TIAM1: variants seen among roughly 807,000 people sequenced by gnomAD.
TIAM1 encodes TIAM Rac1 associated GEF 1, also known as rho guanine nucleotide exchange factor TIAM1.
In TIAM1, 65 loss-of-function variants were observed where a neutral mutation model predicts 163.5. That is an observed-to-expected ratio of 0.40 (90% CI 0.33 to 0.49). The LOEUF is 0.49. Ranked by LOEUF, TIAM1 falls within the 20% of genes least tolerant of loss-of-function variation. TIAM1 has a pLI of 0.77. For missense variants in TIAM1, 1,789 were observed against 2,044.7 expected, an observed-to-expected ratio of 0.87 and a Z score of 2.41; for synonymous variants, 833 against 810.1, an observed-to-expected ratio of 1.03 and a Z score of -0.48.
At chr21:31,131,407 C>T (rs1401563595) in intron 23 of TIAM1, among the ~76,000 whole-genome samples, 1 of 152,168 alleles carries the variant, frequency 6.6e-6, no homozygotes, top group Admixed American at 6.5e-5. Flanking sequence ...TATAACTCAT[C>T]TTTTGACCTA....
In TIAM1 at chr21:31,231,790, C is replaced by T. The variant is rs1024891555; in HGVS notation, c.1585-5840G>A. On this transcript the variant is annotated intron_variant, in intron 6 of 27. Transcript: ENST00000541036. The stretch of plus-strand genomic sequence containing the variant: ...CAGCACTTTGGGAGGCCAAGGTGGG[C>T]GAATCACTTCAGGCCAGGAGTTCGA... Among the ~76,000 whole-genome samples, 5 of 151,928 alleles carry T rather than the reference C, an allele frequency of 3.3e-5. No homozygotes were observed. The East Asian group carries it at 7.7e-4, about 23-fold the overall frequency.
intron 6 of TIAM1, among the ~76,000 whole-genome samples, chr21:31,233,043 T>C (rs114793747): frequency 0.021 from 3,218 of 152,334 alleles, 122 homozygotes; most frequent in African/African-American, 0.072. Flanking sequence ...TCATTATGTA[T>C]TTAAATAGAT....
chr21:31,541,044 A>T (rs146370422), intron 1 of TIAM1, among the ~76,000 whole-genome samples: 1 of 152,338 alleles, frequency 6.6e-6, no homozygotes, highest in Non-Finnish European at 1.5e-5. Context: ...TGGCAATTCA[A>T]ATCAAGAGCT....
intron 1 of TIAM1, among the ~76,000 whole-genome samples, chr21:31,547,996 CTTAAT>C (rs986623547): frequency 2.6e-5 from 4 of 152,106 alleles, no homozygotes; most frequent in Non-Finnish European, 4.4e-5. Context: ...GATACACTTT[CTTAAT>C]TTAATTCCAG....
At chr21:31,501,390 G>T (rs1197008120) in intron 1 of TIAM1, among the ~76,000 whole-genome samples, 1 of 152,052 alleles carries the variant, frequency 6.6e-6, no homozygotes, top group African/African-American at 2.4e-5. Flanking sequence ...AAGAGAAGGG[G>T]GAGAGAGTCA....
At chr21:31,392,570 C>CAAAAAAAA (rs61454127) in intron 2 of TIAM1, among the ~76,000 whole-genome samples, 1 of 84,886 alleles carries the variant, frequency 1.2e-5, no homozygotes, top group Non-Finnish European at 2.3e-5. Flanking sequence ...AACTCTGTCT[C>CAAAAAAAA]AAAAAAAAAA....
At chr21:31,134,508 T>C (rs976667888) in intron 23 of TIAM1, among the ~76,000 whole-genome samples, 3 of 151,940 alleles carry the variant, frequency 2.0e-5, no homozygotes, top group African/African-American at 7.2e-5. Flanking sequence ...TGCACTTACA[T>C]TTGTTTTGTT....
At chr21:31,210,315 G>T in intron 10 of TIAM1, 100 bp from the exon 11 acceptor site, 1 of 1,309,716 alleles carries the variant, frequency 7.6e-7, no homozygotes, top group African/African-American at 1.5e-5. Context: ...CATGAAAACA[G>T]CCCAGGGCAG....
intron 1 of TIAM1, among the ~76,000 whole-genome samples, chr21:31,474,781 G>A (rs2045877083): frequency 6.6e-6 from 1 of 151,790 alleles, no homozygotes; most frequent in African/African-American, 2.4e-5. Flanking sequence ...CCCGACCTCA[G>A]TTGATCCGCC....
At chr21:31,390,435 T>C (rs1019295575) in intron 2 of TIAM1, among the ~76,000 whole-genome samples, 2 of 152,358 alleles carry the variant, frequency 1.3e-5, no homozygotes, top group East Asian at 3.9e-4. Flanking sequence ...AAACTTGATC[T>C]TGGCTTTGCC....
chr21:31,481,945 G>A (rs961258113), intron 1 of TIAM1, among the ~76,000 whole-genome samples: 3 of 151,862 alleles, frequency 2.0e-5, no homozygotes, highest in South Asian at 2.1e-4. Flanking sequence ...GGTCTTTCTG[G>A]AAACCAGCCC....
intron 1 of TIAM1, among the ~76,000 whole-genome samples, chr21:31,465,793 A>G (rs1356799233): frequency 6.6e-6 from 1 of 152,118 alleles, no homozygotes; most frequent in Non-Finnish European, 1.5e-5. Flanking sequence ...GATGGTCTCA[A>G]TCTCCTGACC....
intron 3 of TIAM1, among the ~76,000 whole-genome samples, chr21:31,276,195 G>T (rs2073292485): frequency 6.6e-6 from 1 of 152,134 alleles, no homozygotes; most frequent in South Asian, 2.1e-4. Context: ...ACGAAGTTCT[G>T]AAAGTTTTCG....
intron 2 of TIAM1, among the ~76,000 whole-genome samples, chr21:31,384,087 G>A (rs990953381): frequency 6.6e-6 from 1 of 152,082 alleles, no homozygotes. Context: ...CCATATTCTT[G>A]TAACGCACTC....
At chr21:31,237,117 A>C (rs1489835462) in intron 6 of TIAM1, among the ~76,000 whole-genome samples, 1 of 152,104 alleles carries the variant, frequency 6.6e-6, no homozygotes, top group East Asian at 1.9e-4. Context: ...AAGCTGGGAG[A>C]TCTCCAGGAA....
At position 31,243,881 on chromosome 21, in the gene TIAM1, T is replaced by C. The variant is rs552957224; in HGVS notation, c.1584+1607A>G. The stretch of plus-strand genomic sequence containing the variant: ...AAGAATTCTATATCCAGCAAAACTA[T>C]CCTTCAAAAATGAAAGGGAAATTAA... On this transcript the variant is annotated intron_variant, in intron 6 of 27. Coordinates refer to ENST00000541036, the MANE Select transcript of TIAM1 (RefSeq NM_001353694.2). Among the ~76,000 whole-genome samples the C allele has an allele frequency of 6.5e-4, 99 of 152,148 alleles. 1 individual carries two copies. Among genetic ancestry groups the C allele is most frequent in the African/African-American group, 2.4e-3 (98 of 41,418 alleles).
chr21:31,461,886 C>CG (rs2045342505), intron 2 of TIAM1, among the ~76,000 whole-genome samples: 1 of 152,064 alleles, frequency 6.6e-6, no homozygotes, highest in South Asian at 2.1e-4. Context: ...AGGCTGGTCT[C>CG]GAACTCCTGG....
At chr21:31,183,503 A>G (rs1337713748) in intron 14 of TIAM1, among the ~76,000 whole-genome samples, 1 of 152,208 alleles carries the variant, frequency 6.6e-6, no homozygotes, top group Non-Finnish European at 1.5e-5. Flanking sequence ...CCAATATGGA[A>G]AAACCAACTT....
chr21:31,476,052 A>G (rs2045926867), intron 1 of TIAM1, among the ~76,000 whole-genome samples: 1 of 152,234 alleles, frequency 6.6e-6, no homozygotes, highest in African/African-American at 2.4e-5. Flanking sequence ...ATCATCTTCA[A>G]TTAAGACATT....
Sources: allele counts gnomAD v4.1 joint callset (sites outside exome capture counted in the v4.1 genomes callset), GRCh38; gene constraint gnomAD v4.1.1; transcripts MANE v1.5; gene names NCBI Gene and HGNC (gene_info 2026-07-23, HGNC 2026-07-21).